TYW1: variants seen among roughly 807,000 people sequenced by gnomAD.
TYW1 encodes tRNA-yW synthesizing protein 1 homolog, also known as S-adenosyl-L-methionine-dependent tRNA 4-demethylwyosine synthase TYW1.
A neutral mutation model predicts 96.2 loss-of-function variants in TYW1; 46 were observed. The observed-to-expected ratio is 0.48, with a 90% confidence interval of 0.38 to 0.61. TYW1 has a LOEUF of 0.61. Among genes scored for constraint, TYW1 ranks in the 20% least tolerant of loss-of-function variants. The pLI is 0.00. For missense variants in TYW1, 684 were observed against 909.6 expected (o/e 0.75, Z 3.19); for synonymous variants, 274 against 323.0 (o/e 0.85, Z 1.63).
chr7:67,074,717 C>A (rs1796149834), intron 10 of TYW1, among the ~76,000 whole-genome samples: 1 of 152,280 alleles, frequency 6.6e-6, no homozygotes, highest in South Asian at 2.1e-4. Flanking sequence ...GCAGTGGATT[C>A]TTAAAATAGC....
intron 13 of TYW1, among the ~76,000 whole-genome samples, chr7:67,124,557 T>C (rs1797861245): frequency 6.6e-6 from 1 of 152,170 alleles, no homozygotes; most frequent in Non-Finnish European, 1.5e-5. Flanking sequence ...GTTTATATGT[T>C]GTGAACAACT....
chr7:67,202,149 GT>G lies in TYW1; in HGVS notation c.1977+6814del, dbSNP rs771908286. Among the ~76,000 whole-genome samples the G allele has an allele frequency of 1.6e-4, 25 of 152,026 alleles. 1 individual carries two copies. The highest frequency in any genetic ancestry group is 4.4e-5 in the Non-Finnish European group (3 of 68,010). ...TTTTCTGGCGCTTCTTTTCCTTTTC[GT>G]TGTTGATCTCGGAGTATGCAGATCT... On this transcript the variant is annotated intron_variant, in intron 15 of 15. Coordinates refer to ENST00000359626, the MANE Select transcript of TYW1 (RefSeq NM_018264.4).
intron 7 of TYW1, among the ~76,000 whole-genome samples, chr7:67,045,870 A>G (rs926224776): frequency 6.6e-6 from 1 of 152,114 alleles, no homozygotes; most frequent in Admixed American, 6.6e-5. Flanking sequence ...GGCATTGTAG[A>G]TGGAGAGAAC....
rs566399472 is a variant in TYW1, at chr7:67,030,649, C to A, written c.984+5627C>A. 7.2e-5 allele frequency among the ~76,000 whole-genome samples: 11 copies of A among 152,038 alleles called. No individual in the cohort carries two copies. In the South Asian group the frequency reaches 1.9e-3, roughly 26 times the overall value. ...ATTGTGCCACAGACCCAGAAATAAT[C>A]AATGTACTAAGCACTCAGATCTTGT... On this transcript the variant is annotated intron_variant, in intron 7 of 15. Transcript: ENST00000359626.
intron 13 of TYW1, among the ~76,000 whole-genome samples, chr7:67,181,832 C>A (rs1366516112): frequency 5.3e-5 from 8 of 151,472 alleles, no homozygotes; most frequent in Admixed American, 3.9e-4. Flanking sequence ...CATTCTTCTT[C>A]TTATTTTTAT....
intron 7 of TYW1, among the ~76,000 whole-genome samples, chr7:67,044,744 C>T (rs962282697): frequency 1.3e-4 from 20 of 151,808 alleles, no homozygotes; most frequent in African/African-American, 2.9e-4. Context: ...CTCAGCCTCC[C>T]CAGTAGCTGA....
chr7:67,239,104 C>A lies in TYW1; in HGVS notation c.*575C>A, dbSNP rs1049369090. 1 of 986,254 alleles carries A rather than the reference C, an allele frequency of 1.0e-6. No individual in the cohort carries two copies. The highest frequency in any genetic ancestry group is 1.2e-6 in the Non-Finnish European group (1 of 830,414). 61.1% of individuals were successfully genotyped at this position (986,254 alleles called of 1,614,324 possible). Reference sequence around the variant, plus strand: ...GATTGAGTTTTGGTTTATTACCAACCCTTCCCAGAATTGCGTTGGATCTAA... The same window carrying A: ...GATTGAGTTTTGGTTTATTACCAACACTTCCCAGAATTGCGTTGGATCTAA... On this transcript the variant is annotated 3_prime_UTR_variant, in exon 16 of 16. Coordinates refer to ENST00000359626, the MANE Select transcript of TYW1 (RefSeq NM_018264.4).
At chr7:67,141,512 G>A (rs1018907952) in intron 13 of TYW1, among the ~76,000 whole-genome samples, 1 of 152,094 alleles carries the variant, frequency 6.6e-6, no homozygotes, top group Non-Finnish European at 1.5e-5. Context: ...CCCGCCTTTT[G>A]GAAGTGTTCA....
chr7:67,077,300 T>C (rs1204737370), intron 10 of TYW1, among the ~76,000 whole-genome samples: 2 of 152,232 alleles, frequency 1.3e-5, no homozygotes, highest in African/African-American at 4.8e-5. Context: ...GTTCTAGCTT[T>C]AGTTTTTTGA....
rs1429684586 is a variant in TYW1, at chr7:67,238,922, T to C, written c.*393T>C. 33 of 1,043,884 alleles carry C rather than the reference T, an allele frequency of 3.2e-5. No individual in the cohort carries two copies. The highest frequency in any genetic ancestry group is 4.9e-5 in the Admixed American group (1 of 20,424). 64.7% of individuals were successfully genotyped at this position (1,043,884 alleles called of 1,614,324 possible). ...CCCCTTACCCGGCCCTTAGATTTCA[T>C]GGAGCAGCCACTTAGCATTGAATTG... On this transcript the variant is annotated 3_prime_UTR_variant, in exon 16 of 16. Coordinates refer to ENST00000359626, the MANE Select transcript of TYW1 (RefSeq NM_018264.4).
chr7:67,018,977 A>AAAAAAAAAAC (rs1562968206), intron 6 of TYW1, among the ~76,000 whole-genome samples: 2 of 100,422 alleles, frequency 2.0e-5, no homozygotes, highest in South Asian at 3.0e-4. Context: ...AAAAAAAGAA[A>AAAAAAAAAAC]AAAACAAAAT....
intron 15 of TYW1, among the ~76,000 whole-genome samples, chr7:67,203,214 C>A (rs1800659383): frequency 6.6e-6 from 1 of 152,216 alleles, no homozygotes; most frequent in African/African-American, 2.4e-5. Context: ...GATATATAAA[C>A]AGAAGTTTAC....
rs1037324048 is a variant in TYW1, at chr7:67,102,172, C to A, written c.1562+3454C>A. ...AAAGTAATTTTTTGCAAAATGATAACCAGAGAAGATGTTTCATTGTTTGAT... is the reference window on the plus strand; with the variant it reads ...AAAGTAATTTTTTGCAAAATGATAAACAGAGAAGATGTTTCATTGTTTGAT... On this transcript the variant is annotated intron_variant, in intron 12 of 15. Coordinates refer to ENST00000359626, the MANE Select transcript of TYW1 (RefSeq NM_018264.4). 1.4e-4 allele frequency among the ~76,000 whole-genome samples: 22 copies of A among 152,182 alleles called. No individual in the cohort carries two copies. In the South Asian group the frequency reaches 2.5e-3, roughly 17 times the overall value.
At chr7:67,177,293 C>G (rs1158658323) in intron 13 of TYW1, among the ~76,000 whole-genome samples, 2 of 151,562 alleles carry the variant, frequency 1.3e-5, no homozygotes, top group African/African-American at 2.4e-5. Flanking sequence ...TCTTCATGCT[C>G]TTGATAGCAT....
intron 15 of TYW1, among the ~76,000 whole-genome samples, chr7:67,224,962 G>A (rs1563079411): frequency 1.3e-5 from 2 of 152,106 alleles, no homozygotes; most frequent in South Asian, 4.1e-4. Flanking sequence ...AGGCTGAGGC[G>A]GGTGGATCAC....
chr7:67,057,232 C>G (rs1481613131), intron 9 of TYW1, among the ~76,000 whole-genome samples: 1 of 151,986 alleles, frequency 6.6e-6, no homozygotes, highest in Non-Finnish European at 1.5e-5. Flanking sequence ...CCAGGATGGT[C>G]TTGATCTCTT....
intron 8 of TYW1, among the ~76,000 whole-genome samples, chr7:67,054,450 T>G (rs1795449112): frequency 6.6e-6 from 1 of 152,218 alleles, no homozygotes; most frequent in Admixed American, 6.5e-5. Flanking sequence ...GCATATTTGG[T>G]ATCAGAGATG....
In TYW1 at chr7:66,998,941, C is replaced by T; in HGVS notation, c.260C>T (p.Thr87Ile). The change falls in exon 3 of 16, where the codon ACT becomes ATT. Residue 87 changes from threonine to isoleucine, a missense_variant. Transcript: ENST00000359626. ...GTGAAGATTTTTTATGGTTCTCAGACTGGAACAGCGAAGGTAAGAAATTTA... is the reference window on the plus strand; with the variant it reads ...GTGAAGATTTTTTATGGTTCTCAGATTGGAACAGCGAAGGTAAGAAATTTA... ...SGVKIFYGSQ[T>I]GTAKGFATVL... 1.2e-6 allele frequency: 2 copies of T among 1,613,952 alleles called. No homozygotes were observed. Among genetic ancestry groups the T allele is most frequent in the Non-Finnish European group, 8.5e-7 (1 of 1,179,984 alleles).
intron 13 of TYW1, among the ~76,000 whole-genome samples, chr7:67,173,100 A>T (rs1295694089): frequency 6.6e-6 from 1 of 152,240 alleles, no homozygotes; most frequent in African/African-American, 2.4e-5. Flanking sequence ...TCCTAATACA[A>T]TTAACAATGC....
Sources: allele counts gnomAD v4.1 joint callset (sites outside exome capture counted in the v4.1 genomes callset), GRCh38; gene constraint gnomAD v4.1.1; transcripts MANE v1.5; gene names NCBI Gene and HGNC (gene_info 2026-07-23, HGNC 2026-07-21).